Variants in ADAMTS19 observed in about 807,000 individuals in gnomAD.
The protein encoded by ADAMTS19 is A disintegrin and metalloproteinase with thrombospondin motifs 19.
ADAMTS19 carries 93 observed loss-of-function variants against 153.3 expected under a neutral mutation model. The observed-to-expected ratio is 0.61, with a 90% CI of 0.51 to 0.72. ADAMTS19 has a LOEUF of 0.72. Among genes scored for constraint, ADAMTS19 ranks in the 30% least tolerant of loss-of-function variants. The pLI, the probability that ADAMTS19 is intolerant of heterozygous loss-of-function variation, is 0.00. For missense variants in ADAMTS19, 1,482 were observed against 1,552.1 expected (o/e 0.95, Z 0.76); for synonymous variants, 600 against 556.6 (o/e 1.08, Z -1.10).
At chr5:129,606,444 C>G (rs369154585) in intron 8 of ADAMTS19, among the ~76,000 whole-genome samples, 41 of 152,292 alleles carry the variant, frequency 2.7e-4, no homozygotes, top group African/African-American at 9.9e-4. Context: ...TCCGAGAAAG[C>G]TATCTCAACT....
Position 129,580,045 on chromosome 5 carries a change from A to T in ADAMTS19, c.1373-16514A>T, listed in dbSNP as rs186611792. Among the ~76,000 whole-genome samples, 58 of 152,118 alleles carry T rather than the reference A, an allele frequency of 3.8e-4. No individual in the cohort carries two copies. The East Asian group carries it at 0.01, about 27-fold the overall frequency. Reference sequence around the variant, plus strand: ...TTTTGTCAGTATGGCCATTTTCACGATATTGATTCTTCCTATCCATGAGCA... The same window carrying T: ...TTTTGTCAGTATGGCCATTTTCACGTTATTGATTCTTCCTATCCATGAGCA... On this transcript the variant is annotated intron_variant, in intron 7 of 22. Transcript: ENST00000274487.
At chr5:129,560,392 T>C (rs1378671433) in intron 7 of ADAMTS19, among the ~76,000 whole-genome samples, 6 of 152,138 alleles carry the variant, frequency 3.9e-5, no homozygotes, top group Non-Finnish European at 5.9e-5. Flanking sequence ...CCACTCACTT[T>C]AATTAGAAGT....
intron 3 of ADAMTS19, among the ~76,000 whole-genome samples, chr5:129,518,208 T>G (rs1751677530): frequency 1.3e-5 from 2 of 152,170 alleles, no homozygotes; most frequent in South Asian, 4.1e-4. Flanking sequence ...TTAGTCTTTT[T>G]ACTTAGGACA....
chr5:129,532,368 T>C (rs565957567), intron 6 of ADAMTS19, among the ~76,000 whole-genome samples: 1 of 152,264 alleles, frequency 6.6e-6, no homozygotes, highest in South Asian at 2.1e-4. Flanking sequence ...TATAAAGAGA[T>C]ACTCAACATC....
chr5:129,505,785 A>C (rs115807939), intron 2 of ADAMTS19, among the ~76,000 whole-genome samples: 1 of 152,124 alleles, frequency 6.6e-6, no homozygotes, highest in African/African-American at 2.4e-5. Flanking sequence ...AATGCCTATG[A>C]AGATAGAAAT....
intron 8 of ADAMTS19, among the ~76,000 whole-genome samples, chr5:129,613,061 G>A (rs1751313218): frequency 6.6e-6 from 1 of 152,070 alleles, no homozygotes; most frequent in South Asian, 2.1e-4. Context: ...CCTACAAAGA[G>A]ACTTAGACTC....
At chr5:129,579,288 TG>T (rs1361474246) in intron 7 of ADAMTS19, among the ~76,000 whole-genome samples, 6 of 152,300 alleles carry the variant, frequency 3.9e-5, no homozygotes, top group African/African-American at 1.4e-4. Context: ...TTGATGGGGT[TG>T]TTTTTTTCTT....
chr5:129,518,430 T>C (rs1442810400), intron 3 of ADAMTS19, among the ~76,000 whole-genome samples: 1 of 152,164 alleles, frequency 6.6e-6, no homozygotes, highest in Non-Finnish European at 1.5e-5. Context: ...GGAAAGTGTT[T>C]ATTTTTCCTT....
At chr5:129,638,957 T>G (rs1184948165) in intron 10 of ADAMTS19, among the ~76,000 whole-genome samples, 1 of 152,188 alleles carries the variant, frequency 6.6e-6, no homozygotes, top group Non-Finnish European at 1.5e-5. Flanking sequence ...TAAAAACCTA[T>G]TTGAGATAAA....
At chr5:129,526,262 A>G (rs1178301024) in intron 3 of ADAMTS19, 22 bp from the exon 4 acceptor site, 1 of 1,536,908 alleles carries the variant, frequency 6.5e-7, no homozygotes, top group East Asian at 2.4e-5. Context: ...GGTGCATTGA[A>G]AAATTCAATT....
At chr5:129,538,839 C>G (rs1372480333) in intron 6 of ADAMTS19, among the ~76,000 whole-genome samples, 1 of 151,944 alleles carries the variant, frequency 6.6e-6, no homozygotes, top group East Asian at 1.9e-4. Context: ...ATTCTCATGG[C>G]AAAAGTTTAA....
intron 8 of ADAMTS19, among the ~76,000 whole-genome samples, chr5:129,610,971 T>C (rs1333171111): frequency 1.3e-5 from 2 of 152,212 alleles, no homozygotes; most frequent in Non-Finnish European, 2.9e-5. Flanking sequence ...GACTTTTTAA[T>C]GATCGCCATT....
chr5:129,599,644 T>C (rs144156544), intron 8 of ADAMTS19, among the ~76,000 whole-genome samples: 210 of 152,296 alleles, frequency 1.4e-3, no homozygotes, highest in African/African-American at 4.8e-3. Flanking sequence ...ATCTAAACTG[T>C]TGACCATGGA....
chr5:129,538,188 T>A (rs2126792233), intron 6 of ADAMTS19, among the ~76,000 whole-genome samples: 1 of 152,126 alleles, frequency 6.6e-6, no homozygotes, highest in African/African-American at 2.4e-5. Flanking sequence ...GCAATATATA[T>A]TACAGAAAAC....
At chr5:129,519,276 C>A (rs985962101) in intron 3 of ADAMTS19, among the ~76,000 whole-genome samples, 3 of 152,082 alleles carry the variant, frequency 2.0e-5, no homozygotes, top group South Asian at 4.1e-4. Flanking sequence ...CTTTTGGGAG[C>A]TAGGACCTGG....
intron 7 of ADAMTS19, among the ~76,000 whole-genome samples, chr5:129,554,148 T>C (rs1753232473): frequency 6.6e-6 from 1 of 152,082 alleles, no homozygotes; most frequent in Non-Finnish European, 1.5e-5. Flanking sequence ...CTCCATCATA[T>C]AAAAAGGAAT....
intron 7 of ADAMTS19, among the ~76,000 whole-genome samples, chr5:129,555,511 T>C (rs1753283419): frequency 6.6e-6 from 1 of 152,196 alleles, no homozygotes; most frequent in African/African-American, 2.4e-5. Context: ...AGGGCTATGC[T>C]ACTTATTGAC....
intron 8 of ADAMTS19, among the ~76,000 whole-genome samples, chr5:129,603,636 T>C (rs924960728): frequency 1.3e-5 from 2 of 152,190 alleles, no homozygotes; most frequent in African/African-American, 2.4e-5. Context: ...AATTTTAATA[T>C]ACCTATTAAT....
chr5:129,664,871 T>G (rs1250231780), intron 15 of ADAMTS19, among the ~76,000 whole-genome samples: 1 of 152,200 alleles, frequency 6.6e-6, no homozygotes, highest in Non-Finnish European at 1.5e-5. Flanking sequence ...TATCCCTACA[T>G]CTGCTGAAAA....
Sources: allele counts gnomAD v4.1 joint callset (sites outside exome capture counted in the v4.1 genomes callset), GRCh38; gene constraint gnomAD v4.1.1; transcripts MANE v1.5; gene names NCBI Gene and HGNC (gene_info 2026-07-23, HGNC 2026-07-21).